Variants in PTPRT observed in about 807,000 individuals in gnomAD.
PTPRT encodes the protein protein tyrosine phosphatase receptor type T, also known as receptor-type tyrosine-protein phosphatase T.
In PTPRT, 56 loss-of-function variants were observed where a neutral mutation model predicts 176.8. The observed-to-expected ratio is 0.32, with a 90% confidence interval of 0.26 to 0.40. The LOEUF (loss-of-function observed/expected upper bound fraction) is 0.40. Ranked by LOEUF, PTPRT falls within the 10% of genes least tolerant of loss-of-function variation. The probability of loss-of-function intolerance (pLI) is 1.00; values close to 1 mark genes in which losing one functional copy is unlikely to be tolerated. For missense variants in PTPRT, 1,540 were observed against 1,908.2 expected (o/e 0.81, Z 3.60); for synonymous variants, 783 against 739.0 (o/e 1.06, Z -0.96).
At chr20:42,216,042 C>T (rs1366306888) in intron 15 of PTPRT, among the ~76,000 whole-genome samples, 1 of 152,216 alleles carries the variant, frequency 6.6e-6, no homozygotes, top group Admixed American at 6.5e-5. Context: ...GCAACCGCTT[C>T]CAAGCAGCGT....
chr20:42,819,466 A>T (rs1459408054), intron 2 of PTPRT, among the ~76,000 whole-genome samples: 1 of 152,212 alleles, frequency 6.6e-6, no homozygotes, highest in Non-Finnish European at 1.5e-5. Flanking sequence ...TATAAAGACC[A>T]ATGAAACTAT....
intron 7 of PTPRT, among the ~76,000 whole-genome samples, chr20:42,636,279 C>T (rs567717825): frequency 2.2e-4 from 33 of 152,238 alleles, no homozygotes; most frequent in Non-Finnish European, 4.1e-4. Context: ...TATCATGGAA[C>T]AATTCACACC....
chr20:42,377,385 G>A (rs143028650), intron 9 of PTPRT, among the ~76,000 whole-genome samples: 1 of 152,270 alleles, frequency 6.6e-6, no homozygotes, highest in East Asian at 1.9e-4. Flanking sequence ...GGCAAACACC[G>A]GTCATTGCCC....
chr20:42,458,629 A>G (rs1261094609), intron 8 of PTPRT, among the ~76,000 whole-genome samples: 4 of 152,140 alleles, frequency 2.6e-5, no homozygotes, highest in Non-Finnish European at 4.4e-5. Flanking sequence ...ATTTTTTTGT[A>G]GAGACAATTA....
chr20:42,973,802 C>A (rs973357038), intron 1 of PTPRT, among the ~76,000 whole-genome samples: 2 of 152,170 alleles, frequency 1.3e-5, no homozygotes, highest in Non-Finnish European at 2.9e-5. Context: ...TGGGATATAA[C>A]TGGGAAATAA....
chr20:43,103,171 G>A (rs753163775), intron 1 of PTPRT, among the ~76,000 whole-genome samples: 4 of 151,900 alleles, frequency 2.6e-5, no homozygotes, highest in Non-Finnish European at 5.9e-5. Context: ...GTCCCCACTG[G>A]CGTTGGTGAG....
chr20:42,204,333 C>T (rs1269942460), intron 15 of PTPRT, among the ~76,000 whole-genome samples: 2 of 152,102 alleles, frequency 1.3e-5, no homozygotes, highest in African/African-American at 2.4e-5. Context: ...TCATATGACT[C>T]ATGGGATGAT....
the PTPRT span, among the ~76,000 whole-genome samples, chr20:42,045,788 C>T: frequency 6.6e-6 from 1 of 152,102 alleles, no homozygotes; most frequent in Non-Finnish European, 1.5e-5. Flanking sequence ...CCAAGTCTCC[C>T]TTTCTCCTTT....
chr20:42,920,153 G>A (rs1361794547), intron 1 of PTPRT, among the ~76,000 whole-genome samples: 1 of 152,142 alleles, frequency 6.6e-6, no homozygotes, highest in Admixed American at 6.5e-5. Flanking sequence ...TTGAGTCAGA[G>A]ACAAGAACAA....
intron 12 of PTPRT, among the ~76,000 whole-genome samples, chr20:42,300,577 TACTGAA>T (rs2057451065): frequency 6.6e-6 from 1 of 151,950 alleles, no homozygotes; most frequent in Non-Finnish European, 1.5e-5. Context: ...ATGATGATAG[TACTGAA>T]GTATAACCAA....
intron 4 of PTPRT, among the ~76,000 whole-genome samples, chr20:42,774,471 G>A (rs2077105672): frequency 6.6e-6 from 1 of 152,106 alleles, no homozygotes; most frequent in African/African-American, 2.4e-5. Context: ...GGTGTCAAAC[G>A]TCTGATTTCT....
chr20:42,197,963 G>A (rs561558775), intron 16 of PTPRT, among the ~76,000 whole-genome samples: 2 of 152,324 alleles, frequency 1.3e-5, no homozygotes, highest in South Asian at 4.1e-4. Flanking sequence ...AAATCTGGGT[G>A]CCTATGAGAA....
the PTPRT span, among the ~76,000 whole-genome samples, chr20:42,036,111 A>G: frequency 1.3e-5 from 2 of 152,234 alleles, no homozygotes; most frequent in Admixed American, 1.3e-4. Context: ...AGATTACTCC[A>G]CTGGGGTGAG....
intron 1 of PTPRT, among the ~76,000 whole-genome samples, chr20:43,152,193 C>G (rs919894288): frequency 1.3e-5 from 2 of 151,888 alleles, no homozygotes; most frequent in African/African-American, 4.8e-5. Flanking sequence ...TGTACAACTA[C>G]CTTGAAAAGT....
chr20:42,833,740 A>G (rs941101362), intron 2 of PTPRT, among the ~76,000 whole-genome samples: 1 of 152,204 alleles, frequency 6.6e-6, no homozygotes, highest in Non-Finnish European at 1.5e-5. Context: ...GGATTGACAA[A>G]GTTAGAAAGA....
At chr20:43,188,877 G>A (rs2015466822) in intron 1 of PTPRT, among the ~76,000 whole-genome samples, 1 of 134,438 alleles carries the variant, frequency 7.4e-6, no homozygotes, top group Non-Finnish European at 1.6e-5. Flanking sequence ...CCACCCCCCC[G>A]CCCCCGCTCC....
chr20:42,794,106 G>T (rs902841112), intron 2 of PTPRT, among the ~76,000 whole-genome samples: 1 of 152,188 alleles, frequency 6.6e-6, no homozygotes, highest in Non-Finnish European at 1.5e-5. Flanking sequence ...AGCAGGGCAG[G>T]CTCGCTGAGG....
At chr20:42,708,627 G>A (rs140884660) in intron 6 of PTPRT, among the ~76,000 whole-genome samples, 75 of 152,300 alleles carry the variant, frequency 4.9e-4, no homozygotes, top group Non-Finnish European at 6.8e-4. Flanking sequence ...TGCATTTCCC[G>A]TAGGTCTCTG....
chr20:42,107,921 A>ATTCATGAGAAACTTTC (rs1986620375), intron 23 of PTPRT, among the ~76,000 whole-genome samples: 1 of 152,226 alleles, frequency 6.6e-6, no homozygotes, highest in Non-Finnish European at 1.5e-5. Flanking sequence ...CAGAGTCTTC[A>ATTCATGAGAAACTTTC]TTCATGAGAA....
Sources: gnomAD v4.1 joint callset for allele counts (sites outside exome capture counted in the v4.1 genomes callset) on GRCh38, gnomAD v4.1.1 for gene constraint, MANE v1.5 for transcripts, NCBI Gene and HGNC (gene_info 2026-07-23, HGNC 2026-07-21) for gene names.